ZC3H3: variants seen among roughly 807,000 people sequenced by gnomAD.
ZC3H3 encodes zinc finger CCCH-type containing 3.
ZC3H3 carries 36 observed loss-of-function variants against 77.3 expected under a neutral mutation model. The observed-to-expected ratio is 0.47, with a 90% confidence interval of 0.36 to 0.61. The LOEUF is 0.61. ZC3H3 is among the 20% of genes least tolerant of loss of function. ZC3H3 has a pLI of 0.00. For synonymous variants in ZC3H3, 626 were observed against 555.2 expected (o/e 1.13, Z -1.79); for missense variants, 1,331 against 1,312.2 (o/e 1.01, Z -0.22).
intron 9 of ZC3H3, among the ~76,000 whole-genome samples, chr8:143,446,398 C>CT (rs1291234729): frequency 2.6e-5 from 4 of 152,278 alleles, no homozygotes; most frequent in African/African-American, 9.6e-5. Context: ...AGACATGTGA[C>CT]TAACAGATTA....
At chr8:143,446,340 A>G (rs952195847) in intron 9 of ZC3H3, among the ~76,000 whole-genome samples, 21 of 152,258 alleles carry the variant, frequency 1.4e-4, no homozygotes, top group Admixed American at 4.6e-4. Flanking sequence ...AGAACTTCTG[A>G]TTTTCAACAC....
intron 3 of ZC3H3, 89 bp from the exon 4 acceptor site, chr8:143,507,988 C>T: frequency 7.2e-7 from 1 of 1,395,364 alleles, no homozygotes; most frequent in Non-Finnish European, 9.4e-7. Flanking sequence ...CAGCTCTGCC[C>T]ACCGCCTCCG....
intron 9 of ZC3H3, among the ~76,000 whole-genome samples, chr8:143,445,529 T>G (rs1563832768): frequency 4.0e-5 from 6 of 149,706 alleles, no homozygotes; most frequent in Admixed American, 6.7e-5. Flanking sequence ...TACAAAAGAT[T>G]AAAAAAAAAC....
At chr8:143,470,919 C>T (rs2129886328) in intron 5 of ZC3H3, among the ~76,000 whole-genome samples, 1 of 152,338 alleles carries the variant, frequency 6.6e-6, no homozygotes, top group East Asian at 1.9e-4. Flanking sequence ...AGAGAACTTT[C>T]ACTTCCCCGG....
chr8:143,529,621 CTGGGCGGGCGGCCAG>C (rs370827113), intron 3 of ZC3H3, among the ~76,000 whole-genome samples: 2 of 152,324 alleles, frequency 1.3e-5, no homozygotes, highest in East Asian at 3.9e-4. Context: ...CCACACAGGA[CTGGGCGGGCGGCCAG>C]GGCTCTGGGG....
rs187599095 is a variant in ZC3H3 at position 143,440,950 on chromosome 8, G to A, written c.2478C>T (p.Ala826=). The A allele has an allele frequency of 3.8e-5, 55 of 1,432,784 alleles. No individual in the cohort carries two copies. In the African/African-American group the frequency reaches 6.2e-4, roughly 16 times the overall value. The allele number at this position is 1,432,784 out of a possible 1,614,324, so 88.8% of individuals were successfully genotyped here. The change falls in exon 10 of 12, where the codon GCC becomes GCT. Residue 826 remains alanine, a synonymous_variant. Coordinates refer to ENST00000262577, the MANE Select transcript of ZC3H3 (RefSeq NM_015117.3). ...SDATARSRVS[A]SHGPRKPSAS... ...TGCCCCATCACCTGGGCCCGTGGCTGGCCGAGACCCTGCTCCTGGCGGTTG... is the reference window on the plus strand; with the variant it reads ...TGCCCCATCACCTGGGCCCGTGGCTAGCCGAGACCCTGCTCCTGGCGGTTG...
rs995897913 is a variant in ZC3H3 at position 143,440,132 on chromosome 8, C to T, written c.2724G>A (p.Lys908=). The change falls in exon 11 of 12, where the codon AAG becomes AAA. Residue 908 remains lysine (K), a synonymous_variant. Transcript: ENST00000262577. ...LAAACSNRLC[K]LPSFISLQSS... is the part of the protein sequence containing the mutation. Reference sequence around the variant, plus strand: ...ACTGCAGGGAGATGAAGGAAGGCAGCTTGCAGAGCCTGTTGGAGCACGCTG... The same window carrying T: ...ACTGCAGGGAGATGAAGGAAGGCAGTTTGCAGAGCCTGTTGGAGCACGCTG... 2 of 1,611,392 alleles carry T rather than the reference C, an allele frequency of 1.2e-6. No individual in the cohort carries two copies. Among genetic ancestry groups the T allele is most frequent in the African/African-American group, 2.7e-5 (2 of 74,902 alleles).
rs1327049082 is a variant in ZC3H3 at position 143,538,441 on chromosome 8, T to C, written c.926A>G (p.Asn309Ser). ...VTCRTNKFRK[N>S]NYKWVAASSK... ...GGAGGCAGCCACCCATTTGTAGTTGTTTTTCCGGAACTTGTTAGTTCGACA... is the reference window on the plus strand; with the variant it reads ...GGAGGCAGCCACCCATTTGTAGTTGCTTTTCCGGAACTTGTTAGTTCGACA... The change falls in exon 2 of 12, where the codon AAC becomes AGC. Residue 309 changes from asparagine to serine, a missense_variant. Asn to Ser is a conservative substitution (Grantham distance 46, BLOSUM62 1). Coordinates refer to ENST00000262577, the MANE Select transcript of ZC3H3 (RefSeq NM_015117.3). 4 of 1,613,044 alleles carry C rather than the reference T, an allele frequency of 2.5e-6. No homozygotes were observed. The highest frequency in any genetic ancestry group is 2.2e-5 in the South Asian group (2 of 91,088).
chr8:143,516,875 A>G (rs1359645867), intron 3 of ZC3H3, among the ~76,000 whole-genome samples: 1 of 152,256 alleles, frequency 6.6e-6, no homozygotes. Context: ...CGACAGGGCC[A>G]TAAGTCACCC....
intron 5 of ZC3H3, among the ~76,000 whole-genome samples, chr8:143,470,477 T>G (rs988235478): frequency 2.0e-5 from 3 of 152,042 alleles, no homozygotes; most frequent in African/African-American, 7.2e-5. Context: ...TGTCCCCGGG[T>G]GGGCAGCAGG....
chr8:143,539,415 A>G, intron 1 of ZC3H3, 95 bp from the exon 2 acceptor site: 5 of 1,257,464 alleles, frequency 4.0e-6, no homozygotes, highest in Non-Finnish European at 5.4e-6. Context: ...ATACCCCCAG[A>G]TCCCATCTCA....
chr8:143,447,927 G>C (rs982340986), intron 9 of ZC3H3, among the ~76,000 whole-genome samples: 1 of 152,132 alleles, frequency 6.6e-6, no homozygotes, highest in Admixed American at 6.5e-5. Flanking sequence ...TCAGGAGTTC[G>C]AGACCAGTCT....
rs551360933 is a variant in ZC3H3 at position 143,519,592 on chromosome 8, G to A, written c.1562-11693C>T. ...CAGGCAGGATCTGACCAGTGTTCACGTGTGCTCACACTGGCACCCGTGGGA... is the reference window on the plus strand; with the variant it reads ...CAGGCAGGATCTGACCAGTGTTCACATGTGCTCACACTGGCACCCGTGGGA... On this transcript the variant is annotated intron_variant, in intron 3 of 11. Transcript: ENST00000262577. 3.3e-5 allele frequency among the ~76,000 whole-genome samples: 5 copies of A among 152,290 alleles called. No homozygotes were observed. In the East Asian group the frequency reaches 7.7e-4, roughly 24 times the overall value.
chr8:143,523,621 C>T, intron 3 of ZC3H3: 1 of 844,942 alleles, frequency 1.2e-6, no homozygotes, highest in Non-Finnish European at 1.4e-6. Flanking sequence ...GACCCCTGTC[C>T]TCATCCAGCT....
intron 4 of ZC3H3, among the ~76,000 whole-genome samples, chr8:143,482,575 A>T (rs6988822): frequency 0.16 from 24,841 of 152,102 alleles, 2,121 homozygotes; most frequent in Middle Eastern, 0.27. Context: ...CTTGGTCAGC[A>T]GATACAAGGA....
Position 143,496,083 on chromosome 8 carries a change from G to C in ZC3H3, c.1715+11663C>G, listed in dbSNP as rs145683272. 1.8e-3 allele frequency among the ~76,000 whole-genome samples: 268 copies of C among 152,326 alleles called. 5 individuals carry two copies. In the East Asian group the frequency reaches 0.045, roughly 25 times the overall value. ...CTGAGCAAATGAGCAGACAGACTGAGGGTGATGGGGCAGGTGTCTCGTGGC... is the reference window on the plus strand; with the variant it reads ...CTGAGCAAATGAGCAGACAGACTGACGGTGATGGGGCAGGTGTCTCGTGGC... On this transcript the variant is annotated intron_variant, in intron 4 of 11. Transcript: ENST00000262577.
At chr8:143,482,924 C>A (rs533335672) in intron 4 of ZC3H3, among the ~76,000 whole-genome samples, 17 of 152,310 alleles carry the variant, frequency 1.1e-4, no homozygotes, top group African/African-American at 3.8e-4. Context: ...CACGGGGACA[C>A]GACCTCAGGG....
intron 3 of ZC3H3, among the ~76,000 whole-genome samples, chr8:143,518,502 G>A (rs779462923): frequency 2.6e-5 from 4 of 152,350 alleles, no homozygotes; most frequent in East Asian, 1.9e-4. Flanking sequence ...GACGTGTCCC[G>A]CTCAGACAGA....
chr8:143,453,859 G>C (rs549894089), intron 9 of ZC3H3, among the ~76,000 whole-genome samples: 1 of 152,242 alleles, frequency 6.6e-6, no homozygotes, highest in Non-Finnish European at 1.5e-5. Flanking sequence ...AGGGAAGGTA[G>C]GGTTTCCACA....
Sources: allele counts gnomAD v4.1 joint callset (sites outside exome capture counted in the v4.1 genomes callset), GRCh38; gene constraint gnomAD v4.1.1; transcripts MANE v1.5; gene names NCBI Gene and HGNC (gene_info 2026-07-23, HGNC 2026-07-21).